PEAK1: variants seen among roughly 807,000 people sequenced by gnomAD.
PEAK1 encodes inactive tyrosine-protein kinase PEAK1.
PEAK1 carries 54 observed loss-of-function variants against 124.7 expected under a neutral mutation model. That is an observed-to-expected ratio of 0.43 (90% CI 0.35 to 0.54). PEAK1 has a LOEUF of 0.54. Among genes scored for constraint, PEAK1 ranks in the 20% least tolerant of loss-of-function variants. The pLI is 0.01. For synonymous variants in PEAK1, 719 were observed against 760.0 expected (o/e 0.95, Z 0.89); for missense variants, 2,046 against 2,134.5 (o/e 0.96, Z 0.82).
intron 7 of PEAK1, among the ~76,000 whole-genome samples, chr15:77,167,003 CA>C (rs2056149058): frequency 6.6e-6 from 1 of 152,164 alleles, no homozygotes; most frequent in African/African-American, 2.4e-5. Context: ...AGCTTTGGGG[CA>C]TTGCCCAGGA....
intron 2 of PEAK1, among the ~76,000 whole-genome samples, chr15:77,316,776 C>T (rs2153010421): frequency 1.3e-5 from 2 of 152,166 alleles, no homozygotes; most frequent in Non-Finnish European, 2.9e-5. Flanking sequence ...TTCAACATAG[C>T]TTAGCGAAAA....
intron 7 of PEAK1, among the ~76,000 whole-genome samples, chr15:77,165,341 C>T (rs1596429220): frequency 6.6e-6 from 1 of 152,100 alleles, no homozygotes; most frequent in Admixed American, 6.5e-5. Context: ...ACTACAGGTG[C>T]CTGCCACCAT....
intron 1 of PEAK1, among the ~76,000 whole-genome samples, chr15:77,408,018 C>T (rs34204103): frequency 1.3e-5 from 2 of 150,998 alleles, no homozygotes; most frequent in Admixed American, 1.3e-4. Flanking sequence ...CACATATACA[C>T]ATATATACAC....
intron 6 of PEAK1, among the ~76,000 whole-genome samples, chr15:77,202,807 T>C (rs1289347901): frequency 6.7e-6 from 1 of 150,308 alleles, no homozygotes; most frequent in African/African-American, 2.4e-5. Context: ...GAGGCCGAGG[T>C]GGGCAGACTG....
chr15:77,317,161 A>C (rs2153010938), intron 2 of PEAK1, among the ~76,000 whole-genome samples: 1 of 152,306 alleles, frequency 6.6e-6, no homozygotes, highest in South Asian at 2.1e-4. Context: ...AAAGCTTACT[A>C]TGTGCATAGA....
chr15:77,102,350 A>G (rs2050702390), exon 7 of PEAK1: 1 of 152,170 alleles, frequency 6.6e-6, no homozygotes, highest in Non-Finnish European at 1.5e-5. Context: ...TGGGTTATTT[A>G]CTTTTCAATT....
chr15:77,123,442 A>G (rs941071555), intron 9 of PEAK1, among the ~76,000 whole-genome samples: 1 of 152,216 alleles, frequency 6.6e-6, no homozygotes, highest in African/African-American at 2.4e-5. Flanking sequence ...CAGCAAGGTC[A>G]GTTTACTGCT....
intron 1 of PEAK1, chr15:77,418,209 T>C (rs139090331): frequency 4.8e-5 from 47 of 985,438 alleles, no homozygotes; most frequent in Middle Eastern, 5.2e-4. Context: ...TCTTTTTCTT[T>C]CACCAAAACA....
intron 6 of PEAK1, among the ~76,000 whole-genome samples, chr15:77,187,634 G>A (rs1444410059): frequency 6.6e-6 from 1 of 152,182 alleles, no homozygotes; most frequent in Non-Finnish European, 1.5e-5. Flanking sequence ...TAATAAAGGA[G>A]GATGGAGAAT....
downstream of PEAK1, chr15:77,104,303 T>G (rs1475195356): frequency 6.6e-6 from 1 of 152,618 alleles, no homozygotes; most frequent in East Asian, 1.9e-4. Flanking sequence ...CTCTTCCTGT[T>G]AGTTGAGTCA....
rs971437287 is a variant in PEAK1, at chr15:77,263,622, T to C, written c.-274-11096A>G. Among the ~76,000 whole-genome samples the C allele has an allele frequency of 3.4e-4, 52 of 151,900 alleles. 1 individual carries two copies. The highest frequency in any genetic ancestry group is 3.9e-4 in the East Asian group (2 of 5,178). On this transcript the variant is annotated intron_variant, in intron 5 of 9. Transcript: ENST00000682557. The stretch of plus-strand genomic sequence containing the variant: ...ATTGAGGCAATAATTAATAGCTTAC[T>C]AACCAAAAAAAGGCCAGGACCAGAT...
At chr15:77,280,096 T>G (rs1205155817) in intron 5 of PEAK1, among the ~76,000 whole-genome samples, 1 of 152,070 alleles carries the variant, frequency 6.6e-6, no homozygotes, top group Non-Finnish European at 1.5e-5. Flanking sequence ...ATCCTAGCAC[T>G]TTGGGAGGCT....
At chr15:77,202,005 T>C (rs1157242988) in intron 6 of PEAK1, among the ~76,000 whole-genome samples, 2 of 152,224 alleles carry the variant, frequency 1.3e-5, no homozygotes, top group African/African-American at 4.8e-5. Context: ...GGTATTCATT[T>C]TAGACTCCAA....
In PEAK1 at chr15:77,178,944, G is replaced by C; in HGVS notation, c.2983C>G (p.Pro995Ala). ...TCCACACTGAGCTGGCCTTGAGCAGGGTCGCACCTGTACATGAAGACAATG... is the reference window on the plus strand; with the variant it reads ...TCCACACTGAGCTGGCCTTGAGCAGCGTCGCACCTGTACATGAAGACAATG... ...PAIVFMYRCDPAQGQLSVDQS... is the reference protein window; with the variant it reads ...PAIVFMYRCDAAQGQLSVDQS... Residue 995 changes from proline (P) to alanine (A), a missense_variant, in exon 7 of 10, where the codon CCT (proline) becomes GCT (alanine). Coordinates refer to ENST00000682557, the MANE Select transcript of PEAK1 (RefSeq NM_001385026.1). 1 of 1,614,010 alleles carries C rather than the reference G, an allele frequency of 6.2e-7. No individual in the cohort carries two copies. The highest frequency in any genetic ancestry group is 8.5e-7 in the Non-Finnish European group (1 of 1,180,002).
chr15:77,409,370 C>T (rs1041991609), intron 1 of PEAK1, among the ~76,000 whole-genome samples: 7 of 152,134 alleles, frequency 4.6e-5, no homozygotes, highest in Admixed American at 3.3e-4. Flanking sequence ...GATGCTATCA[C>T]TTCCCCCATT....
At chr15:77,149,294 C>A (rs979159819) in intron 8 of PEAK1, among the ~76,000 whole-genome samples, 4 of 152,166 alleles carry the variant, frequency 2.6e-5, no homozygotes, top group African/African-American at 9.7e-5. Flanking sequence ...ATTTTTCCCC[C>A]TTAGTTTCTT....
chr15:77,241,247 T>C (rs1319310012), intron 6 of PEAK1, among the ~76,000 whole-genome samples: 1 of 152,156 alleles, frequency 6.6e-6, no homozygotes, highest in Non-Finnish European at 1.5e-5. Context: ...CATATGATCA[T>C]ATCAATTGAT....
intron 6 of PEAK1, among the ~76,000 whole-genome samples, chr15:77,234,161 C>T (rs1429038591): frequency 6.6e-6 from 1 of 152,164 alleles, no homozygotes; most frequent in African/African-American, 2.4e-5. Flanking sequence ...GCCACTGTGC[C>T]CACACAGCAT....
chr15:77,355,153 A>G (rs2067441723), intron 2 of PEAK1, among the ~76,000 whole-genome samples: 1 of 152,164 alleles, frequency 6.6e-6, no homozygotes, highest in Non-Finnish European at 1.5e-5. Flanking sequence ...AAGAAAGAAA[A>G]TAAGTACAAC....
Sources: gnomAD v4.1 joint callset for allele counts (sites outside exome capture counted in the v4.1 genomes callset) on GRCh38, gnomAD v4.1.1 for gene constraint, MANE v1.5 for transcripts, NCBI Gene and HGNC (gene_info 2026-07-23, HGNC 2026-07-21) for gene names.